Variants in PRRX2 observed in about 807,000 individuals in gnomAD.
PRRX2 encodes paired related homeobox 2.
In PRRX2, 11 loss-of-function variants were observed where a neutral mutation model predicts 18.0. The ratio of observed to expected loss-of-function variants is 0.61; its 90% CI spans 0.39 to 1.01. The LOEUF (loss-of-function observed/expected upper bound fraction) is 1.01. Among genes scored for constraint, PRRX2 ranks in the 50% least tolerant of loss-of-function variants. The probability of loss-of-function intolerance (pLI) is 0.01; values close to 1 mark genes in which losing one functional copy is unlikely to be tolerated. For synonymous variants in PRRX2, 177 were observed against 154.8 expected (o/e 1.14, Z -1.06); for missense variants, 387 against 351.0 (o/e 1.10, Z -0.82).
intron 1 of PRRX2, among the ~76,000 whole-genome samples, chr9:129,711,722 T>C (rs928591003): frequency 2.0e-5 from 3 of 152,076 alleles, no homozygotes; most frequent in African/African-American, 7.2e-5. Flanking sequence ...GGTGAGATTC[T>C]TGAGGCTGGG....
intron 1 of PRRX2, among the ~76,000 whole-genome samples, chr9:129,679,042 C>A (rs1832196086): frequency 1.3e-5 from 2 of 152,126 alleles, no homozygotes; most frequent in Admixed American, 6.6e-5. Context: ...GGGCAGGTGG[C>A]CGTGCCCCAC....
At position 129,665,849 on chromosome 9, in the gene PRRX2, C is replaced by G. The variant is rs1235626231; in HGVS notation, c.-19C>G. The G allele has an allele frequency of 1.5e-5, 16 of 1,036,766 alleles. No homozygotes were observed. In the East Asian group the frequency reaches 1.3e-3, roughly 87 times the overall value. The allele number at this position is 1,036,766 out of a possible 1,614,324, so 64.2% of individuals were successfully genotyped here. On this transcript the variant is annotated 5_prime_UTR_variant, in exon 1 of 4. Transcript: ENST00000372469. This position sits in a 1 kb window ranked among gnomAD's most constrained non-coding sequence, Gnocchi z 5.3. ...CGAGCCCGAGACCCCCGCCGGCCCC[C>G]CCGGGGCCGCTCGCGGGCATGGACA...
rs188456939 is a variant in PRRX2, at chr9:129,681,530, A to G, written c.259+15404A>G. On this transcript the variant is annotated intron_variant, in intron 1 of 3. Transcript: ENST00000372469. ...GCAAGACTCCATTTCAAAAAAAAACAGAAAGCAGGTTCCTTGATGATAAAG... is the reference window on the plus strand; with the variant it reads ...GCAAGACTCCATTTCAAAAAAAAACGGAAAGCAGGTTCCTTGATGATAAAG... Among the ~76,000 whole-genome samples the G allele has an allele frequency of 3.5e-4, 53 of 152,004 alleles. No individual in the cohort carries two copies. The East Asian group carries it at 9.8e-3, about 28-fold the overall frequency.
chr9:129,666,501 A>G (rs1832024800), intron 1 of PRRX2, among the ~76,000 whole-genome samples: 1 of 151,690 alleles, frequency 6.6e-6, no homozygotes, highest in East Asian at 2.0e-4. Flanking sequence ...CCCCTCCCGC[A>G]CGAGCTAGCG....
At chr9:129,682,897 G>T (rs1184904829) in intron 1 of PRRX2, among the ~76,000 whole-genome samples, 1 of 151,504 alleles carries the variant, frequency 6.6e-6, no homozygotes, top group East Asian at 1.9e-4. Context: ...CTGAGGTCAG[G>T]TGTTCGAAAC....
chr9:129,720,951 AGCACCT>A (rs1481215927), intron 3 of PRRX2, among the ~76,000 whole-genome samples, 177 bp downstream of exon 3: 1 of 152,146 alleles, frequency 6.6e-6, no homozygotes, highest in Non-Finnish European at 1.5e-5. Flanking sequence ...GGTGTTCACG[AGCACCT>A]GCACGTGCAT....
chr9:129,707,790 CAA>C (rs34188002), intron 1 of PRRX2, among the ~76,000 whole-genome samples: 11 of 118,768 alleles, frequency 9.3e-5, no homozygotes, highest in Admixed American at 8.9e-5. Context: ...GACTGTGTCT[CAA>C]AAAAAAAAAA....
rs1373711501 is a variant in PRRX2, at chr9:129,675,009, G to T, written c.259+8883G>T. 6.6e-6 allele frequency among the ~76,000 whole-genome samples: 1 copy of T among 152,100 alleles called. No individual in the cohort carries two copies. Among genetic ancestry groups the T allele is most frequent in the East Asian group, 1.9e-4 (1 of 5,178 alleles). On this transcript the variant is annotated intron_variant, in intron 1 of 3. Transcript: ENST00000372469. The surrounding 1 kb of genome is among the most constrained non-coding windows in gnomAD (Gnocchi z 4.4). ...TAGCGATTCTTGTACCCTGCTGCGG[G>T]CTCCTTCCAGAGCTGACTCTGCCTC... is the stretch of plus-strand genomic sequence containing the variant.
In PRRX2 at chr9:129,715,750, T is replaced by TCTCTCTCTCTCTCTCTCTCTCACACACA. The variant is rs762929485; in HGVS notation, c.260-3480_260-3479insTCTCTCTCTCTCTCTCTCTCACACACAC. ...AAACCCAGCTTCAGGGACATCTTTC[T>TCTCTCTCTCTCTCTCTCTCTCACACACA]CACACACACACACACACACACACAC... On this transcript the variant is annotated intron_variant, in intron 1 of 3. Transcript: ENST00000372469. The surrounding 1 kb of genome is among the most constrained non-coding windows in gnomAD (Gnocchi z 4.0). Among the ~76,000 whole-genome samples, 1 of 138,860 alleles carries TCTCTCTCTCTCTCTCTCTCTCACACACA rather than the reference T, an allele frequency of 7.2e-6. No individual in the cohort carries two copies. The allele number at this position is 138,860 out of a possible 152,430, so 91.1% of individuals were successfully genotyped here.
chr9:129,687,558 A>G (rs1454661234), intron 1 of PRRX2, among the ~76,000 whole-genome samples: 2 of 152,216 alleles, frequency 1.3e-5, no homozygotes, highest in African/African-American at 4.8e-5. Flanking sequence ...TTCCCTCTGC[A>G]CACTCAAGGC....
At chr9:129,696,192 T>C (rs969479723) in intron 1 of PRRX2, among the ~76,000 whole-genome samples, 1 of 152,186 alleles carries the variant, frequency 6.6e-6, no homozygotes, top group East Asian at 1.9e-4. Context: ...TATCATGGAA[T>C]CTAGTGTGGG....
chr9:129,670,665 G>A (rs1419969466), intron 1 of PRRX2, among the ~76,000 whole-genome samples: 7 of 152,280 alleles, frequency 4.6e-5, no homozygotes, highest in East Asian at 1.9e-4. Context: ...CTGAGCCACC[G>A]TGCCCGGCCC....
At position 129,722,249 on chromosome 9, in the gene PRRX2, G is replaced by T; in HGVS notation, c.659G>T (p.Gly220Val). The change falls in exon 4 of 4, where the codon GGC becomes GTC. Residue 220 changes from glycine to valine, a missense_variant. Coordinates refer to ENST00000372469, the MANE Select transcript of PRRX2 (RefSeq NM_016307.4). ...CCACCCTACAGCCCTGGGAGCTCAG[G>T]CCCCGCAACCCCAGGGGTCAACATG... Reference protein sequence around the residue: ...TVPPYSPGSSGPATPGVNMAN... With the variant: ...TVPPYSPGSSVPATPGVNMAN... 1 of 1,613,958 alleles carries T rather than the reference G, an allele frequency of 6.2e-7. No individual in the cohort carries two copies. Among genetic ancestry groups the T allele is most frequent in the Non-Finnish European group, 8.5e-7 (1 of 1,179,992 alleles).
chr9:129,718,568 C>T (rs927356904), intron 1 of PRRX2: 6 of 152,380 alleles, frequency 3.9e-5, no homozygotes, highest in East Asian at 3.9e-4. Flanking sequence ...TGAGGACTCT[C>T]GTACCCGATT....
At position 129,695,584 on chromosome 9, in the gene PRRX2, CCCCAGCTGGCAGGCACCT is replaced by C. The variant is rs1832411023; in HGVS notation, c.260-23643_260-23626del. Among the ~76,000 whole-genome samples, 18 of 152,188 alleles carry C rather than the reference CCCCAGCTGGCAGGCACCT, an allele frequency of 1.2e-4. No individual in the cohort carries two copies. Among genetic ancestry groups the C allele is most frequent in the Admixed American group, 1.2e-3 (18 of 15,278 alleles). On this transcript the variant is annotated intron_variant, in intron 1 of 3. Coordinates refer to ENST00000372469, the MANE Select transcript of PRRX2 (RefSeq NM_016307.4). This position sits in a 1 kb window ranked among gnomAD's most constrained non-coding sequence, Gnocchi z 4.8. The stretch of plus-strand genomic sequence containing the variant: ...CAGAGCTGGGAGCCGGGCCGGGAGC[CCCCAGCTGGCAGGCACCT>C]CCCTTTCCTGGCCCACGCTGCTCTT...
chr9:129,683,484 C>G (rs1209716086), intron 1 of PRRX2, among the ~76,000 whole-genome samples: 1 of 152,052 alleles, frequency 6.6e-6, no homozygotes, highest in African/African-American at 2.4e-5. Flanking sequence ...GCCTGTAATC[C>G]CAGCACTTTG....
chr9:129,710,529 C>G (rs906255102), intron 1 of PRRX2, among the ~76,000 whole-genome samples: 18 of 152,104 alleles, frequency 1.2e-4, no homozygotes, highest in Admixed American at 3.3e-4. Context: ...GTCAAGAGAT[C>G]GAGACCATCC....
At chr9:129,698,761 G>C (rs542447494) in intron 1 of PRRX2, among the ~76,000 whole-genome samples, 1 of 152,326 alleles carries the variant, frequency 6.6e-6, no homozygotes, top group East Asian at 1.9e-4. Flanking sequence ...AACAGGCCCA[G>C]AGAGGAGCGG....
rs1171143500 is a variant in PRRX2, at chr9:129,671,972, C to T, written c.259+5846C>T. ...GGGGAGGGGCAGCACGGAACGGGCT[C>T]TGTGCCTATGTTAGGCGTTTCTGAG... is the stretch of plus-strand genomic sequence containing the variant. On this transcript the variant is annotated intron_variant, in intron 1 of 3. Transcript: ENST00000372469. This position sits in a 1 kb window ranked among gnomAD's most constrained non-coding sequence, Gnocchi z 4.0. Among the ~76,000 whole-genome samples the T allele has an allele frequency of 6.6e-6, 1 of 152,104 alleles. No individual in the cohort carries two copies. Among genetic ancestry groups the T allele is most frequent in the East Asian group, 1.9e-4 (1 of 5,190 alleles).
Sources: gnomAD v4.1 joint callset for allele counts (sites outside exome capture counted in the v4.1 genomes callset) on GRCh38, gnomAD v4.1.1 for gene constraint, Gnocchi (gnomAD v3.1) non-coding constraint, MANE v1.5 for transcripts, NCBI Gene and HGNC (gene_info 2026-07-23, HGNC 2026-07-21) for gene names.